Variants in TBC1D22A observed in about 807,000 individuals in gnomAD.
The protein encoded by TBC1D22A is TBC1 domain family member 22A.
A neutral mutation model predicts 60.2 loss-of-function variants in TBC1D22A; 38 were observed. The observed-to-expected ratio is 0.63, with a 90% CI of 0.49 to 0.83. The LOEUF (loss-of-function observed/expected upper bound fraction) is 0.83. Ranked by LOEUF, TBC1D22A falls within the 40% of genes least tolerant of loss-of-function variation. TBC1D22A has a pLI of 0.00. For missense variants in TBC1D22A, 628 were observed against 701.0 expected (o/e 0.90, Z 1.18); for synonymous variants, 302 against 281.7 (o/e 1.07, Z -0.72).
intron 12 of TBC1D22A, among the ~76,000 whole-genome samples, chr22:47,132,953 G>A (rs1174470513): frequency 6.6e-6 from 1 of 152,202 alleles, no homozygotes; most frequent in East Asian, 1.9e-4. Context: ...TTTCAGCCTC[G>A]CCGAAGGGCT....
intron 12 of TBC1D22A, among the ~76,000 whole-genome samples, chr22:47,127,981 TC>T (rs56157363): frequency 1.2e-4 from 3 of 24,286 alleles, no homozygotes; most frequent in South Asian, 1.7e-3. Context: ...ACCCCACCCA[TC>T]CCCCCATCCT....
intron 8 of TBC1D22A, among the ~76,000 whole-genome samples, chr22:46,919,443 T>C (rs564539110): frequency 1.3e-5 from 2 of 152,340 alleles, no homozygotes; most frequent in South Asian, 4.1e-4. Context: ...TTTCGACTAA[T>C]ATTGTTTCCA....
intron 12 of TBC1D22A, among the ~76,000 whole-genome samples, chr22:47,125,304 C>T (rs1038131575): frequency 2.3e-4 from 35 of 152,172 alleles, no homozygotes; most frequent in African/African-American, 7.0e-4. Flanking sequence ...TTTTGTTCCC[C>T]GGGGCGGGGC....
chr22:47,145,822 G>A (rs944583567), intron 12 of TBC1D22A, among the ~76,000 whole-genome samples: 2 of 152,042 alleles, frequency 1.3e-5, no homozygotes, highest in Middle Eastern at 3.2e-3. Context: ...AGCCTGGGTC[G>A]GCCTCAGCCC....
chr22:46,958,842 C>T (rs886281968), intron 8 of TBC1D22A, among the ~76,000 whole-genome samples: 14 of 152,212 alleles, frequency 9.2e-5, no homozygotes, highest in African/African-American at 3.4e-4. Flanking sequence ...TGAATGTGCT[C>T]CTGCCTAGGC....
intron 4 of TBC1D22A, among the ~76,000 whole-genome samples, chr22:46,836,857 A>G (rs1444845046): frequency 6.6e-6 from 1 of 152,158 alleles, no homozygotes; most frequent in Non-Finnish European, 1.5e-5. Flanking sequence ...ATAGACATTA[A>G]GTTAAAAACT....
chr22:47,114,258 T>TGTGGGGG (rs2065951372), intron 12 of TBC1D22A, among the ~76,000 whole-genome samples: 1 of 149,322 alleles, frequency 6.7e-6, no homozygotes, highest in African/African-American at 2.5e-5. Context: ...GGGTGTGGGG[T>TGTGGGGG]GTGGGGTGTG....
intron 8 of TBC1D22A, among the ~76,000 whole-genome samples, chr22:46,967,199 C>G (rs571125636): frequency 6.6e-6 from 1 of 152,172 alleles, no homozygotes; most frequent in Non-Finnish European, 1.5e-5. Flanking sequence ...TAAACATTCC[C>G]GCACTAGAGC....
At chr22:46,907,736 C>T (rs1359056120) in intron 7 of TBC1D22A, among the ~76,000 whole-genome samples, 1 of 152,212 alleles carries the variant, frequency 6.6e-6, no homozygotes, top group East Asian at 1.9e-4. Flanking sequence ...TGGAGGAAAC[C>T]CTTCCCAGGG....
At chr22:47,094,702 GTCTT>G (rs1462223774) in intron 11 of TBC1D22A, among the ~76,000 whole-genome samples, 1 of 152,134 alleles carries the variant, frequency 6.6e-6, no homozygotes, top group Non-Finnish European at 1.5e-5. Flanking sequence ...TATAGTTTAT[GTCTT>G]TCTCTTATAC....
chr22:46,904,762 C>T (rs920814912), intron 7 of TBC1D22A, among the ~76,000 whole-genome samples: 3 of 151,280 alleles, frequency 2.0e-5, no homozygotes, highest in African/African-American at 7.3e-5. Flanking sequence ...GCCACTGCAC[C>T]CGGCCGAGAA....
chr22:47,076,414 T>C (rs1384205846), intron 11 of TBC1D22A, among the ~76,000 whole-genome samples: 133 of 139,054 alleles, frequency 9.6e-4, no homozygotes, highest in Middle Eastern at 3.7e-3. Context: ...CACACATATA[T>C]ATATATATAT....
intron 12 of TBC1D22A, among the ~76,000 whole-genome samples, chr22:47,161,667 T>G (rs535206912): frequency 6.6e-6 from 1 of 152,340 alleles, no homozygotes; most frequent in South Asian, 2.1e-4. Flanking sequence ...GAGTGTCTCG[T>G]CTTGGGTGCA....
intron 8 of TBC1D22A, among the ~76,000 whole-genome samples, chr22:46,961,032 C>T (rs1467042122): frequency 9.0e-6 from 1 of 110,502 alleles, no homozygotes; most frequent in Non-Finnish European, 2.0e-5. Context: ...AAAAAAAAAA[C>T]AAAACCCGTG....
At chr22:46,855,702 A>G (rs1244420834) in intron 4 of TBC1D22A, among the ~76,000 whole-genome samples, 1 of 152,150 alleles carries the variant, frequency 6.6e-6, no homozygotes. Flanking sequence ...AAGATAAAGC[A>G]GGCCTGACCG....
At chr22:47,054,931 C>T (rs116152060) in intron 11 of TBC1D22A, among the ~76,000 whole-genome samples, 2,028 of 152,328 alleles carry the variant, frequency 0.013, 42 homozygotes, top group African/African-American at 0.045. Context: ...CCTTAAAGCA[C>T]GGGCTGGGAC....
chr22:46,956,006 C>T (rs927059551), intron 8 of TBC1D22A, among the ~76,000 whole-genome samples: 26 of 152,160 alleles, frequency 1.7e-4, no homozygotes, highest in African/African-American at 4.8e-4. Flanking sequence ...TCGCCCTAAA[C>T]ATGATTTCAT....
chr22:46,977,837 C>A (rs185668509), intron 9 of TBC1D22A, among the ~76,000 whole-genome samples: 1 of 152,152 alleles, frequency 6.6e-6, no homozygotes, highest in Non-Finnish European at 1.5e-5. Context: ...AGCGACGCAG[C>A]GCTAGCAGGG....
intron 8 of TBC1D22A, among the ~76,000 whole-genome samples, chr22:46,919,387 G>A (rs2070597806): frequency 6.6e-6 from 1 of 152,188 alleles, no homozygotes; most frequent in South Asian, 2.1e-4. Flanking sequence ...GCAGCACGTT[G>A]TGTTTCTCCA....
Sources: allele counts gnomAD v4.1 joint callset (sites outside exome capture counted in the v4.1 genomes callset), GRCh38; gene constraint gnomAD v4.1.1; transcripts MANE v1.5; gene names NCBI Gene and HGNC (gene_info 2026-07-23, HGNC 2026-07-21).